MYO6: variants seen among roughly 807,000 people sequenced by gnomAD.
The protein encoded by MYO6 is unconventional myosin-VI.
Under a neutral mutation model 178.7 loss-of-function variants are expected in MYO6, and 74 were observed. That is an observed-to-expected ratio of 0.41 (90% CI 0.34 to 0.50). MYO6 has a LOEUF of 0.50. Ranked by LOEUF, MYO6 falls within the 20% of genes least tolerant of loss-of-function variation. MYO6 has a pLI of 0.09. For missense variants in MYO6, 1,330 were observed against 1,547.4 expected (o/e 0.86, Z 2.36); for synonymous variants, 477 against 504.6 (o/e 0.95, Z 0.73).
intron 3 of MYO6, among the ~76,000 whole-genome samples, chr6:75,826,313 A>G (rs1162720341): frequency 6.6e-6 from 1 of 152,228 alleles, no homozygotes; most frequent in Admixed American, 6.5e-5. Flanking sequence ...TATTGTCATC[A>G]GCAGATACTT....
chr6:75,842,185 CGCACACACACACACAT>C (rs952018131), intron 9 of MYO6, among the ~76,000 whole-genome samples: 1 of 149,344 alleles, frequency 6.7e-6, no homozygotes, highest in Non-Finnish European at 1.5e-5. Flanking sequence ...TGGTGGGAAA[CGCACACACACACACAT>C]GCACACACAC....
At position 75,915,763 on chromosome 6, in the gene MYO6, T is replaced by G. The variant is rs1439726993; in HGVS notation, c.*751T>G. 6.6e-6 allele frequency: 1 copy of G among 152,634 alleles called. No individual in the cohort carries two copies. The highest frequency in any genetic ancestry group is 1.5e-5 in the Non-Finnish European group (1 of 68,028). 9.5% of individuals were successfully genotyped at this position (152,634 alleles called of 1,614,324 possible). A position where few individuals can be genotyped will look rare whatever the true frequency, so the allele number is the denominator to read the frequency against. ...AGATTGTTTAAATGCCTAAAAGTTT[T>G]GAGATAAGTTTTGTTTCAATTAGAA... On this transcript the variant is annotated 3_prime_UTR_variant, in exon 35 of 35. Coordinates refer to ENST00000369977, the MANE Select transcript of MYO6 (RefSeq NM_004999.4).
chr6:75,876,789 T>C (rs1389776936), intron 20 of MYO6, among the ~76,000 whole-genome samples: 1 of 152,178 alleles, frequency 6.6e-6, no homozygotes, highest in Admixed American at 6.5e-5. Context: ...GTAATAATGA[T>C]AATGATATAG....
rs57473480 is a variant in MYO6, at chr6:75,768,326, C to CATTTT, written c.-48+18971_-48+18975dup. ...AGTTTTCCTCCAAGTGTAAATAATTCATTTTATTTTATTTTATTTTATTTT... is the reference window on the plus strand; with the variant it reads ...AGTTTTCCTCCAAGTGTAAATAATTCATTTTATTTTATTTTATTTTATTTTATTTT... On this transcript the variant is annotated intron_variant, in intron 1 of 34. Transcript: ENST00000369977. Among the ~76,000 whole-genome samples, 647 of 119,500 alleles carry CATTTT rather than the reference C, an allele frequency of 5.4e-3. 7 individuals carry two copies. Among genetic ancestry groups the CATTTT allele is most frequent in the Middle Eastern group, 0.015 (4 of 260 alleles). The allele number at this position is 119,500 out of a possible 152,430, so 78.4% of individuals were successfully genotyped here.
At chr6:75,758,121 G>A (rs1777628339) in intron 1 of MYO6, among the ~76,000 whole-genome samples, 1 of 151,824 alleles carries the variant, frequency 6.6e-6, no homozygotes, top group African/African-American at 2.4e-5. Flanking sequence ...GGGACTACAG[G>A]CACGTGCCAC....
At chr6:75,871,990 A>G (rs1473918942) in intron 19 of MYO6, among the ~76,000 whole-genome samples, 2 of 151,938 alleles carry the variant, frequency 1.3e-5, no homozygotes, top group African/African-American at 2.4e-5. Context: ...TTAGCTGGGC[A>G]TGGTGGGGCG....
chr6:75,905,856 A>G (rs1376516315), intron 30 of MYO6, among the ~76,000 whole-genome samples: 2 of 152,276 alleles, frequency 1.3e-5, no homozygotes, highest in Non-Finnish European at 2.9e-5. Context: ...GAAAGCATAC[A>G]GAGACCTTTT....
At chr6:75,904,840 C>T (rs1780145995) in intron 30 of MYO6, among the ~76,000 whole-genome samples, 1 of 152,194 alleles carries the variant, frequency 6.6e-6, no homozygotes, top group Non-Finnish European at 1.5e-5. Flanking sequence ...TGCTCTGTTT[C>T]TTCCCCATCT....
intron 25 of MYO6, among the ~76,000 whole-genome samples, chr6:75,889,723 T>G (rs1221202594): frequency 1.3e-5 from 2 of 152,178 alleles, no homozygotes; most frequent in Admixed American, 1.3e-4. Context: ...TAGAAATAAT[T>G]TTTAACTGCA....
At position 75,749,245 on chromosome 6, in the gene MYO6, C is replaced by G. The variant is rs1015192725; in HGVS notation, c.-226C>G. ...GGGGCGCCGGCCGGCGGGCGGAGACCGACTCGGGATCTGTCCGAGCAGGAA... is the reference window on the plus strand; with the variant it reads ...GGGGCGCCGGCCGGCGGGCGGAGACGGACTCGGGATCTGTCCGAGCAGGAA... On this transcript the variant is annotated 5_prime_UTR_variant, in exon 1 of 35. Coordinates refer to ENST00000369977, the MANE Select transcript of MYO6 (RefSeq NM_004999.4). The G allele has an allele frequency of 1.3e-5, 2 of 150,944 alleles. No homozygotes were observed. The highest frequency in any genetic ancestry group is 4.8e-5 in the African/African-American group (2 of 41,362). 9.4% of individuals were successfully genotyped at this position (150,944 alleles called of 1,614,324 possible).
intron 1 of MYO6, among the ~76,000 whole-genome samples, chr6:75,785,100 C>T (rs930997322): frequency 6.6e-6 from 1 of 152,104 alleles, no homozygotes; most frequent in African/African-American, 2.4e-5. Context: ...TATTGAGCAT[C>T]AACTGTATGC....
chr6:75,779,056 CAAAAAAAAAAAA>C (rs142469441), intron 1 of MYO6, among the ~76,000 whole-genome samples: 3 of 64,530 alleles, frequency 4.6e-5, no homozygotes, highest in African/African-American at 1.7e-4. Context: ...GACTTTGTCT[CAAAAAAAAAAAA>C]AAAAAAAAAA....
intron 1 of MYO6, among the ~76,000 whole-genome samples, chr6:75,805,010 T>TAC (rs1173273675): frequency 6.7e-5 from 4 of 59,714 alleles, no homozygotes; most frequent in Non-Finnish European, 1.1e-4. Context: ...CACATATATA[T>TAC]ATATATATAT....
intron 10 of MYO6, among the ~76,000 whole-genome samples, chr6:75,847,379 A>C (rs982990817): frequency 5.9e-5 from 9 of 152,128 alleles, no homozygotes; most frequent in Non-Finnish European, 1.0e-4. Context: ...AGGCATCTTT[A>C]ATGATCAGTT....
At chr6:75,857,374 T>A (rs1409598010) in intron 13 of MYO6, 120 bp downstream of exon 13, 29 of 994,564 alleles carry the variant, frequency 2.9e-5, no homozygotes, top group Non-Finnish European at 4.5e-5. Flanking sequence ...TAATTATATG[T>A]CCACACTCAC....
chr6:75,891,390 T>C, intron 27 of MYO6, 84 bp downstream of exon 27: 1 of 1,018,816 alleles, frequency 9.8e-7, no homozygotes, highest in Non-Finnish European at 1.5e-6. Flanking sequence ...CCCAGCTCTT[T>C]GGGAGGCCGA....
chr6:75,834,025 A>G, intron 6 of MYO6, among the ~76,000 whole-genome samples: 1 of 152,186 alleles, frequency 6.6e-6, no homozygotes, highest in East Asian at 1.9e-4. Context: ...GTGATCTAGA[A>G]ATATTCCTTA....
rs181079944 is a variant in MYO6 at position 75,785,937 on chromosome 6, A to G, written c.-47-31564A>G. 7.3e-3 allele frequency among the ~76,000 whole-genome samples: 1,103 copies of G among 151,806 alleles called. 5 individuals are homozygous for G. Among genetic ancestry groups the G allele is most frequent in the Non-Finnish European group, 0.012 (795 of 67,908 alleles). Reference sequence around the variant, plus strand: ...AAAATTAAAACAATTTTTTTTTGAGATGGAGTCTTGCTCTGTTGCCCAGGC... The same window carrying G: ...AAAATTAAAACAATTTTTTTTTGAGGTGGAGTCTTGCTCTGTTGCCCAGGC... On this transcript the variant is annotated intron_variant, in intron 1 of 34. Coordinates refer to ENST00000369977, the MANE Select transcript of MYO6 (RefSeq NM_004999.4).
chr6:75,845,655 T>C (rs1309575104), intron 10 of MYO6, among the ~76,000 whole-genome samples: 1 of 151,208 alleles, frequency 6.6e-6, no homozygotes, highest in African/African-American at 2.4e-5. Context: ...GATCATGCCA[T>C]TGTACTCCAG....
Sources: allele counts gnomAD v4.1 joint callset (sites outside exome capture counted in the v4.1 genomes callset), GRCh38; gene constraint gnomAD v4.1.1; transcripts MANE v1.5; gene names NCBI Gene and HGNC (gene_info 2026-07-23, HGNC 2026-07-21).